VPS13A: variants seen among roughly 807,000 people sequenced by gnomAD.
VPS13A encodes the protein vacuolar protein sorting 13 homolog A.
In VPS13A, 264 loss-of-function variants were observed where a neutral mutation model predicts 390.9. The observed-to-expected ratio is 0.68, with a 90% confidence interval of 0.61 to 0.75. The LOEUF is 0.75. VPS13A is among the 30% of genes least tolerant of loss of function. VPS13A has a pLI of 0.00. For missense variants in VPS13A, 3,409 were observed against 3,733.9 expected, an observed-to-expected ratio of 0.91 and a Z score of 2.27; for synonymous variants, 1,231 against 1,227.1, an observed-to-expected ratio of 1.00 and a Z score of -0.07.
Position 77,197,113 on chromosome 9 carries a change from A to G in VPS13A, c.101-2832A>G, listed in dbSNP as rs529453199. 1.2e-4 allele frequency among the ~76,000 whole-genome samples: 18 copies of G among 152,212 alleles called. No individual in the cohort carries two copies. The East Asian group carries it at 3.1e-3, about 26-fold the overall frequency. ...TGGGTGATGCTGAGCCTTTTCTCAT[A>G]TATATACCTGTTGACCATTTGTATG... On this transcript the variant is annotated intron_variant, in intron 1 of 71. Transcript: ENST00000360280.
rs1463466037 is a variant in VPS13A, at chr9:77,239,564, G to A, written c.1900+1178G>A. 4.0e-5 allele frequency among the ~76,000 whole-genome samples: 6 copies of A among 150,466 alleles called. No homozygotes were observed. In the South Asian group the frequency reaches 6.3e-4, roughly 16 times the overall value. ...AGTATGAAGTACAAAGTTTCTTTTC[G>A]TTAGAATTTACCTGGTATATATTTT... On this transcript the variant is annotated intron_variant, in intron 19 of 71. Transcript: ENST00000360280.
At chr9:77,284,393 T>TA (rs1564694782) in intron 31 of VPS13A, among the ~76,000 whole-genome samples, 1 of 152,210 alleles carries the variant, frequency 6.6e-6, no homozygotes, top group African/African-American at 2.4e-5. Flanking sequence ...TTTTTATGTT[T>TA]AAAAAATTCT....
intron 45 of VPS13A, among the ~76,000 whole-genome samples, chr9:77,324,389 G>A (rs554546906): frequency 6.6e-6 from 1 of 152,184 alleles, no homozygotes; most frequent in African/African-American, 2.4e-5. Flanking sequence ...GTGTTGTTTT[G>A]TAGATGCCTT....
chr9:77,301,579 T>C lies in VPS13A; in HGVS notation c.3813-1336T>C, dbSNP rs529093938. 2.0e-5 allele frequency among the ~76,000 whole-genome samples: 3 copies of C among 152,328 alleles called. No individual in the cohort carries two copies. In the East Asian group the frequency reaches 5.8e-4, roughly 29 times the overall value. On this transcript the variant is annotated intron_variant, in intron 33 of 71. Coordinates refer to ENST00000360280, the MANE Select transcript of VPS13A (RefSeq NM_033305.3). ...AAAATTCTACAGTCATGGTGTTATA[T>C]CTTAGTTTAAGGATTTGCTGCTAAT...
intron 26 of VPS13A, chr9:77,279,830 C>A (rs1826908582): frequency 5.2e-6 from 1 of 194,164 alleles, no homozygotes; most frequent in Non-Finnish European, 1.1e-5. Context: ...GGCCAGAATT[C>A]TCTTCCTGCC....
At position 77,359,539 on chromosome 9, in the gene VPS13A, A is replaced by C. The variant is rs1394430808; in HGVS notation, c.8105+137A>C. 3 of 892,320 alleles carry C rather than the reference A, an allele frequency of 3.4e-6. No homozygotes were observed. The African/African-American group carries it at 5.0e-5, about 15-fold the overall frequency. 55.3% of individuals were successfully genotyped at this position (892,320 alleles called of 1,614,324 possible). The stretch of plus-strand genomic sequence containing the variant: ...AATTATAAACGTCAAATAAAAAAAT[A>C]TAATGTTGTGGCTCACGCCTGTAAT... On this transcript the variant is annotated intron_variant, in intron 58 of 71. Transcript: ENST00000360280.
At chr9:77,200,033 T>A in intron 2 of VPS13A, 45 bp downstream of exon 2, 1 of 1,445,328 alleles carries the variant, frequency 6.9e-7, no homozygotes, top group Non-Finnish European at 9.7e-7. Context: ...TGCATTTAAT[T>A]ATGTATAATT....
intron 23 of VPS13A, among the ~76,000 whole-genome samples, chr9:77,269,246 A>G (rs1826218747): frequency 6.6e-6 from 1 of 152,076 alleles, no homozygotes; most frequent in African/African-American, 2.4e-5. Flanking sequence ...ATTTTTCTAT[A>G]TGGTGCTTGT....
In VPS13A at chr9:77,370,589, T is replaced by C; in HGVS notation, c.8907+11T>C. 8 of 1,614,052 alleles carry C rather than the reference T, an allele frequency of 5.0e-6. No homozygotes were observed. Among genetic ancestry groups the C allele is most frequent in the Non-Finnish European group, 6.8e-6 (8 of 1,179,994 alleles). On this transcript the variant is annotated intron_variant, in intron 65 of 71. Transcript: ENST00000360280. ...AAAGGCTTAGTTTCTGTAAGAAATT[T>C]CACAGGGTTGTGAAGATTTTGGGAA...
intron 19 of VPS13A, among the ~76,000 whole-genome samples, chr9:77,241,720 G>T (rs977325814): frequency 2.6e-5 from 4 of 152,210 alleles, no homozygotes; most frequent in Admixed American, 1.3e-4. Flanking sequence ...TATTTCTTCT[G>T]CCAGGTACCT....
At chr9:77,407,369 A>ATTGGT (rs1563997584) in intron 70 of VPS13A, among the ~76,000 whole-genome samples, 164 bp from the exon 71 acceptor site, 1 of 151,890 alleles carries the variant, frequency 6.6e-6, no homozygotes, top group East Asian at 1.9e-4. Context: ...CTTTTTTTCT[A>ATTGGT]TTGGTTTTGA....
At position 77,236,317 on chromosome 9, in the gene VPS13A, C is replaced by G. The variant is rs532321399; in HGVS notation, c.1596-1685C>G. Among the ~76,000 whole-genome samples, 28 of 152,200 alleles carry G rather than the reference C, an allele frequency of 1.8e-4. No individual in the cohort carries two copies. The East Asian group carries it at 3.9e-3, about 21-fold the overall frequency. On this transcript the variant is annotated intron_variant, in intron 17 of 71. Transcript: ENST00000360280. ...TGTTATTTTCCTGGTTTTCTTTAGT[C>G]TTTGAGTGTAAGCTTATTTAACATG...
At chr9:77,405,466 C>CA in intron 69 of VPS13A, among the ~76,000 whole-genome samples, 1 of 152,282 alleles carries the variant, frequency 6.6e-6, no homozygotes. Context: ...AGAAGTGCTT[C>CA]AGTTTTTCTA....
intron 5 of VPS13A, among the ~76,000 whole-genome samples, chr9:77,208,937 T>A (rs932845848): frequency 6.6e-6 from 1 of 152,212 alleles, no homozygotes; most frequent in Non-Finnish European, 1.5e-5. Context: ...TTGATGAACT[T>A]CTTTCATCCT....
At chr9:77,378,779 T>C (rs950738156) in intron 67 of VPS13A, among the ~76,000 whole-genome samples, 5 of 151,972 alleles carry the variant, frequency 3.3e-5, no homozygotes, top group Non-Finnish European at 7.4e-5. Context: ...CTTGTGAAGT[T>C]ATATTATTGA....
intron 70 of VPS13A, 87 bp downstream of exon 70, chr9:77,406,074 T>C: frequency 6.5e-7 from 1 of 1,534,966 alleles, no homozygotes; most frequent in East Asian, 2.3e-5. Flanking sequence ...ATGCTCTACC[T>C]CTTTTATAGA....
chr9:77,397,600 T>G (rs1834171318), intron 68 of VPS13A, among the ~76,000 whole-genome samples: 1 of 152,218 alleles, frequency 6.6e-6, no homozygotes, highest in African/African-American at 2.4e-5. Context: ...ATTTGGATGA[T>G]TTGAGAGTGT....
intron 45 of VPS13A, among the ~76,000 whole-genome samples, chr9:77,324,479 G>A (rs543247017): frequency 7.0e-4 from 106 of 152,220 alleles, no homozygotes; most frequent in African/African-American, 2.5e-3. Flanking sequence ...TTTGTCAGAT[G>A]CTTTTTCTGT....
intron 3 of VPS13A, among the ~76,000 whole-genome samples, chr9:77,203,090 T>C (rs986930559): frequency 1.1e-4 from 17 of 152,222 alleles, no homozygotes; most frequent in African/African-American, 3.9e-4. Flanking sequence ...CTTGCTATTA[T>C]TGGGTATTGA....
Sources: gnomAD v4.1 joint callset for allele counts (sites outside exome capture counted in the v4.1 genomes callset) on GRCh38, gnomAD v4.1.1 for gene constraint, MANE v1.5 for transcripts, NCBI Gene and HGNC (gene_info 2026-07-23, HGNC 2026-07-21) for gene names.